The following GPATCH2L variants were observed in gnomAD, a reference collection of about 807,000 sequenced individuals.
GPATCH2L encodes G-patch domain containing 2 like.
A neutral mutation model predicts 57.4 loss-of-function variants in GPATCH2L; 31 were observed. The ratio of observed to expected loss-of-function variants is 0.54; its 90% CI spans 0.41 to 0.73. The LOEUF is 0.73. Ranked by LOEUF, GPATCH2L falls within the 30% of genes least tolerant of loss-of-function variation. The probability of loss-of-function intolerance (pLI) is 0.00; values close to 1 mark genes in which losing one functional copy is unlikely to be tolerated. For synonymous variants in GPATCH2L, 199 were observed against 210.7 expected (o/e 0.94, Z 0.48); for missense variants, 481 against 599.9 (o/e 0.80, Z 2.07).
chr14:76,199,750 T>TA (rs563077561), intron 9 of GPATCH2L, among the ~76,000 whole-genome samples: 5 of 152,104 alleles, frequency 3.3e-5, no homozygotes, highest in East Asian at 1.9e-4. Flanking sequence ...AAACAGCATG[T>TA]AAAAAAACAG....
intron 2 of GPATCH2L, among the ~76,000 whole-genome samples, chr14:76,164,133 C>T (rs1014615588): frequency 2.0e-5 from 3 of 152,172 alleles, no homozygotes; most frequent in Admixed American, 2.0e-4. Flanking sequence ...GGTATTGTTG[C>T]TTCTATGGGA....
At chr14:76,156,807 A>G (rs181279204) in intron 2 of GPATCH2L, among the ~76,000 whole-genome samples, 1 of 152,366 alleles carries the variant, frequency 6.6e-6, no homozygotes, top group East Asian at 1.9e-4. Context: ...TGTCTGCTCT[A>G]ACAGCCCAAG....
At chr14:76,175,402 T>C (rs1766360812) in intron 5 of GPATCH2L, 1 of 142,886 alleles carries the variant, frequency 7.0e-6, no homozygotes, top group African/African-American at 2.6e-5. Flanking sequence ...TCTCTTCTGC[T>C]TTTCTAAATT....
chr14:76,232,617 A>G (rs970372268), intron 2 of GPATCH2L, among the ~76,000 whole-genome samples: 9 of 152,194 alleles, frequency 5.9e-5, no homozygotes, highest in African/African-American at 2.2e-4. Flanking sequence ...GAACTCACTG[A>G]TAGCTGTTAG....
intron 5 of GPATCH2L, chr14:76,174,414 C>T (rs778893304): frequency 4.6e-5 from 7 of 152,198 alleles, no homozygotes; most frequent in Non-Finnish European, 1.0e-4. Context: ...AAGGGAGAGG[C>T]ATTGAGAGCA....
Position 76,207,790 on chromosome 14 carries a change from G to C in GPATCH2L, c.*5939G>C, listed in dbSNP as rs1173729371. On this transcript the variant is annotated 3_prime_UTR_variant, in exon 10 of 10. Transcript: ENST00000261530. ...TCTGACTCGTGGATTCAGCATTTCAGAATATGGTACTCTAATCTTAAGGCT... is the reference window on the plus strand; with the variant it reads ...TCTGACTCGTGGATTCAGCATTTCACAATATGGTACTCTAATCTTAAGGCT... 6.6e-6 allele frequency: 1 copy of C among 152,174 alleles called. No individual in the cohort carries two copies. The highest frequency in any genetic ancestry group is 1.5e-5 in the Non-Finnish European group (1 of 68,036). The allele number at this position is 152,174 out of a possible 1,614,324, so 9.4% of individuals were successfully genotyped here.
intron 9 of GPATCH2L, chr14:76,196,226 GAGCTT>G: frequency 1.6e-6 from 1 of 620,490 alleles, no homozygotes; most frequent in Non-Finnish European, 2.9e-6. Flanking sequence ...CCAGTCATCT[GAGCTT>G]TTGTTTTAGC....
Position 76,176,647 on chromosome 14 carries a change from A to G in GPATCH2L, c.1009A>G (p.Thr337Ala). ...GGAGACCAGCATAAACACTTTGGGG[A>G]CTGAGAGGATAAGCCATATCATTAG... ...GKETSINTLG[T>A]ERISHIISDP... The change falls in exon 6 of 10, where the codon ACT becomes GCT. Residue 337 changes from threonine (T) to alanine (A), a missense_variant. Thr to Ala is a moderately conservative substitution (Grantham distance 58). Around this residue, in one of 3 missense-constraint regions of GPATCH2L, gnomAD observed 248 missense variants for 270.5 expected, o/e 0.92. Transcript: ENST00000261530. 1 of 1,611,206 alleles carries G rather than the reference A, an allele frequency of 6.2e-7. No homozygotes were observed. Among genetic ancestry groups the G allele is most frequent in the Non-Finnish European group, 8.5e-7 (1 of 1,177,334 alleles).
At position 76,182,422 on chromosome 14, in the gene GPATCH2L, T is replaced by A. The variant is rs191532589; in HGVS notation, c.1193+1573T>A. Among the ~76,000 whole-genome samples, 239 of 28,868 alleles carry A rather than the reference T, an allele frequency of 8.3e-3. 1 individual carries two copies. The highest frequency in any genetic ancestry group is 0.012 in the African/African-American group (216 of 17,906). The allele number at this position is 28,868 out of a possible 152,430, so 18.9% of individuals were successfully genotyped here. On this transcript the variant is annotated intron_variant, in intron 8 of 9. Coordinates refer to ENST00000261530, the MANE Select transcript of GPATCH2L (RefSeq NM_017926.4). ...AGAGTGAGACCTTGTTTCTACAAAA[T>A]TTTTTTTTTTTAAATCATTTGTGTC...
intron 1 of GPATCH2L, among the ~76,000 whole-genome samples, chr14:76,153,179 T>C (rs1196995679): frequency 6.6e-6 from 1 of 152,258 alleles, no homozygotes; most frequent in Non-Finnish European, 1.5e-5. Flanking sequence ...AAATAGGTTT[T>C]AGAAAGCCCT....
chr14:76,231,241 G>A (rs2040559992), intron 2 of GPATCH2L, among the ~76,000 whole-genome samples: 1 of 152,166 alleles, frequency 6.6e-6, no homozygotes, highest in Non-Finnish European at 1.5e-5. Flanking sequence ...CTCACTGTTG[G>A]TACTGACCGG....
In GPATCH2L at chr14:76,154,729, T is replaced by G. The variant is rs35134032; in HGVS notation, c.366T>G (p.Pro122=). The change falls in exon 2 of 10, where the codon CCT becomes CCG. Residue 122 remains proline (P), a synonymous_variant. Transcript: ENST00000261530. This position sits in a 1 kb window ranked among gnomAD's most constrained non-coding sequence, Gnocchi z 4.4. ...CTGACTCCTTTACTGAAAATGCACC[T>G]TGTCGACCACTCAGGCGCAGGCGGA... The part of the protein sequence containing the change: ...HESDSFTENA[P]CRPLRRRRKV... The G allele has an allele frequency of 1.4e-3, 2,193 of 1,614,194 alleles. 24 individuals are homozygous for G. In the African/African-American group the frequency reaches 0.027, roughly 20 times the overall value.
intron 9 of GPATCH2L, among the ~76,000 whole-genome samples, chr14:76,200,006 A>G (rs1452478059): frequency 6.6e-6 from 1 of 152,250 alleles, no homozygotes; most frequent in African/African-American, 2.4e-5. Flanking sequence ...CTTATTCAGA[A>G]TGAAACTCTG....
downstream of GPATCH2L, among the ~76,000 whole-genome samples, chr14:76,216,346 T>G (rs1278193654): frequency 6.6e-6 from 1 of 152,168 alleles, no homozygotes; most frequent in East Asian, 1.9e-4. Flanking sequence ...GGAAATTTAA[T>G]TTACAGTAGA....
intron 9 of GPATCH2L, among the ~76,000 whole-genome samples, chr14:76,201,405 C>A (rs141946190): frequency 6.6e-6 from 1 of 152,180 alleles, no homozygotes; most frequent in Admixed American, 6.5e-5. Flanking sequence ...GCAATACACA[C>A]ATAAGTACGT....
chr14:76,224,572 T>C (rs1485820674), intron 1 of GPATCH2L, among the ~76,000 whole-genome samples: 1 of 152,166 alleles, frequency 6.6e-6, no homozygotes, highest in Non-Finnish European at 1.5e-5. Context: ...AGTAAAAATC[T>C]TACAGGAAAT....
chr14:76,201,531 G>A (rs1012771260), intron 9 of GPATCH2L, among the ~76,000 whole-genome samples, 160 bp from the exon 10 acceptor site: 4 of 152,050 alleles, frequency 2.6e-5, no homozygotes, highest in African/African-American at 7.2e-5. Flanking sequence ...TTACTTTTTT[G>A]TAGAGAAGAA....
At chr14:76,185,935 G>A (rs969098767) in intron 8 of GPATCH2L, among the ~76,000 whole-genome samples, 5 of 152,118 alleles carry the variant, frequency 3.3e-5, no homozygotes, top group South Asian at 2.1e-4. Flanking sequence ...GCGAGAATCC[G>A]GGCTTTACCC....
At chr14:76,175,890 C>T (rs960324510) in intron 5 of GPATCH2L, 1 of 152,132 alleles carries the variant, frequency 6.6e-6, no homozygotes. Flanking sequence ...GTATGCTTTC[C>T]CAGGTGCCAT....
Sources: gnomAD v4.1 joint callset for allele counts (sites outside exome capture counted in the v4.1 genomes callset) on GRCh38, gnomAD v4.1.1 for gene constraint, gnomAD v4.1.1 regional missense constraint, Gnocchi (gnomAD v3.1) non-coding constraint, MANE v1.5 for transcripts, NCBI Gene and HGNC (gene_info 2026-07-23, HGNC 2026-07-21) for gene names.